Variants in RASSF3 observed in about 807,000 individuals in gnomAD.
RASSF3 encodes the protein ras association domain-containing protein 3.
A neutral mutation model predicts 19.9 loss-of-function variants in RASSF3; 19 were observed. That is an observed-to-expected ratio of 0.96 (90% CI 0.67 to 1.40). RASSF3 has a LOEUF of 1.40. RASSF3 is among the 40% of genes most tolerant of loss of function. RASSF3 has a pLI of 0.00. For missense variants in RASSF3, 306 were observed against 289.8 expected, an observed-to-expected ratio of 1.06 and a Z score of -0.41; for synonymous variants, 110 against 104.2, an observed-to-expected ratio of 1.06 and a Z score of -0.34.
chr12:64,520,605 T>C (rs1041286180), intron 1 of RASSF3, among the ~76,000 whole-genome samples: 2 of 142,856 alleles, frequency 1.4e-5, no homozygotes, highest in African/African-American at 2.6e-5. Flanking sequence ...TGCACATATA[T>C]GTTGTAGGTT....
At chr12:64,671,532 G>A (rs1220479331) in intron 1 of RASSF3, among the ~76,000 whole-genome samples, 1 of 152,218 alleles carries the variant, frequency 6.6e-6, no homozygotes, top group Admixed American at 6.5e-5. Flanking sequence ...GAGGACTTCT[G>A]CAGCAAAGAG....
intron 1 of RASSF3, among the ~76,000 whole-genome samples, chr12:64,540,295 G>C (rs922439574): frequency 4.6e-5 from 7 of 152,122 alleles, no homozygotes; most frequent in African/African-American, 1.7e-4. Context: ...TCTATTTGCT[G>C]GTGAATAAAA....
intron 1 of RASSF3, among the ~76,000 whole-genome samples, chr12:64,649,434 C>T (rs1010482671): frequency 2.6e-5 from 4 of 152,070 alleles, no homozygotes; most frequent in Non-Finnish European, 4.4e-5. Context: ...CCTTGTGATC[C>T]GTCTGCCTTG....
chr12:64,661,878 A>G (rs1872377628), intron 1 of RASSF3, among the ~76,000 whole-genome samples: 1 of 149,842 alleles, frequency 6.7e-6, no homozygotes, highest in East Asian at 2.0e-4. Context: ...ATAGGGCTTC[A>G]CCCTGTTGGC....
At chr12:64,683,411 T>TGGTAAATTC (rs1873209864) in intron 1 of RASSF3, among the ~76,000 whole-genome samples, 1 of 152,228 alleles carries the variant, frequency 6.6e-6, no homozygotes, top group Non-Finnish European at 1.5e-5. Flanking sequence ...AGCTAATTAT[T>TGGTAAATTC]GGTAAATTCT....
intron 2 of RASSF3, among the ~76,000 whole-genome samples, chr12:64,563,268 G>A (rs1344228621): frequency 6.6e-6 from 1 of 151,746 alleles, no homozygotes; most frequent in African/African-American, 2.4e-5. Flanking sequence ...CCAGGTTCAA[G>A]CGATTATCCT....
At chr12:64,543,452 G>GCCTGC (rs1868985937), downstream of RASSF3, among the ~76,000 whole-genome samples, 8 of 10,860 alleles carry the variant, frequency 7.4e-4, no homozygotes, top group Non-Finnish European at 1.2e-3. Context: ...GTGCCCGCCC[G>GCCTGC]CCCCCCGCTC....
At chr12:64,515,946 T>C (rs140794188) in intron 1 of RASSF3, among the ~76,000 whole-genome samples, 76 of 152,354 alleles carry the variant, frequency 5.0e-4, no homozygotes, top group African/African-American at 1.7e-3. Context: ...CAGTAGTGCA[T>C]ATATGGTTCA....
At chr12:64,583,216 C>T (rs1869733842) in intron 2 of RASSF3, among the ~76,000 whole-genome samples, 1 of 152,168 alleles carries the variant, frequency 6.6e-6, no homozygotes, top group African/African-American at 2.4e-5. Flanking sequence ...GCAGTTAATG[C>T]AGCTGCTTTG....
intron 2 of RASSF3, among the ~76,000 whole-genome samples, chr12:64,592,318 A>G (rs1289208390): frequency 2.0e-5 from 3 of 152,222 alleles, no homozygotes; most frequent in Admixed American, 2.0e-4. Context: ...GTGTACTGAG[A>G]GAGTCCTGAT....
At chr12:64,516,575 C>T (rs1358187032) in intron 1 of RASSF3, among the ~76,000 whole-genome samples, 1 of 147,570 alleles carries the variant, frequency 6.8e-6, no homozygotes, top group Non-Finnish European at 1.5e-5. Flanking sequence ...GCCGAGATCC[C>T]GCCACTGCAC....
chr12:64,552,939 G>A (rs1421081858), intron 2 of RASSF3, among the ~76,000 whole-genome samples: 1 of 152,060 alleles, frequency 6.6e-6, no homozygotes, highest in Non-Finnish European at 1.5e-5. Flanking sequence ...GGCCGGGCTC[G>A]GTGGCTCACA....
At chr12:64,685,286 C>G (rs544139327) in intron 2 of RASSF3, among the ~76,000 whole-genome samples, 1 of 152,246 alleles carries the variant, frequency 6.6e-6, no homozygotes, top group African/African-American at 2.4e-5. Flanking sequence ...TGCTCTGTCA[C>G]CTGGGCTGGA....
chr12:64,604,129 C>CT (rs201730918), intron 2 of RASSF3, among the ~76,000 whole-genome samples: 565 of 125,942 alleles, frequency 4.5e-3, no homozygotes, highest in African/African-American at 0.01. Context: ...TACAGGTTTT[C>CT]TTTTTTTTTT....
intron 1 of RASSF3, among the ~76,000 whole-genome samples, chr12:64,508,512 C>T (rs1417667213): frequency 2.8e-5 from 4 of 141,306 alleles, no homozygotes; most frequent in Non-Finnish European, 4.6e-5. Context: ...AGCTAAACTT[C>T]GTCTCAAAAA....
chr12:64,667,731 G>A (rs914200686), intron 1 of RASSF3, among the ~76,000 whole-genome samples: 4 of 152,154 alleles, frequency 2.6e-5, no homozygotes, highest in Non-Finnish European at 5.9e-5. Flanking sequence ...TGCTGATCAG[G>A]GTTAGAGCTG....
At chr12:64,693,204 C>T (rs1868310190) in intron 4 of RASSF3, among the ~76,000 whole-genome samples, 1 of 147,978 alleles carries the variant, frequency 6.8e-6, no homozygotes, top group African/African-American at 2.5e-5. Flanking sequence ...ATTCTTCTAC[C>T]ACTGAGCCCA....
chr12:64,550,963 C>T lies in RASSF3; in HGVS notation c.294+9258C>T, dbSNP rs1869150873. Among the ~76,000 whole-genome samples, 4 of 152,122 alleles carry T rather than the reference C, an allele frequency of 2.6e-5. No individual in the cohort carries two copies. The South Asian group carries it at 8.3e-4, about 32-fold the overall frequency. On this transcript the variant is annotated intron_variant, in intron 2 of 5. Transcript: ENST00000637125. ...ACCCACAGCACCCCACCTCCACCCA[C>T]ACATTCCTTAGGCTACTGTTTCTAT...
chr12:64,523,038 G>A (rs1020724717), intron 1 of RASSF3, among the ~76,000 whole-genome samples: 2 of 152,202 alleles, frequency 1.3e-5, no homozygotes, highest in Admixed American at 6.5e-5. Flanking sequence ...CAGCGCAAAA[G>A]AAGATGCCCA....
Sources: gnomAD v4.1 joint callset for allele counts (sites outside exome capture counted in the v4.1 genomes callset) on GRCh38, gnomAD v4.1.1 for gene constraint, MANE v1.5 for transcripts, NCBI Gene and HGNC (gene_info 2026-07-23, HGNC 2026-07-21) for gene names.